Variants in SGCZ observed in about 807,000 individuals in gnomAD.
SGCZ encodes sarcoglycan zeta.
A neutral mutation model predicts 41.3 loss-of-function variants in SGCZ; 40 were observed. The observed-to-expected ratio is 0.97, with a 90% CI of 0.75 to 1.26. SGCZ has a LOEUF of 1.26. Ranked by LOEUF, SGCZ falls within the 50% of genes most tolerant of loss-of-function variation. The pLI is 0.00. For synonymous variants in SGCZ, 206 were observed against 137.5 expected (o/e 1.50, Z -3.49); for missense variants, 552 against 369.8 (o/e 1.49, Z -4.04).
At chr8:14,431,396 G>C (rs1352252746) in intron 2 of SGCZ, among the ~76,000 whole-genome samples, 1 of 152,122 alleles carries the variant, frequency 6.6e-6, no homozygotes, top group Non-Finnish European at 1.5e-5. Context: ...AATACTTAGA[G>C]CCAAGTGATC....
intron 1 of SGCZ, among the ~76,000 whole-genome samples, chr8:15,126,479 G>A (rs1380487757): frequency 6.6e-6 from 1 of 152,118 alleles, no homozygotes; most frequent in Non-Finnish European, 1.5e-5. Flanking sequence ...AATACAAACT[G>A]GAATAAGAAT....
intron 1 of SGCZ, among the ~76,000 whole-genome samples, chr8:15,009,347 T>C (rs1455456538): frequency 9.7e-5 from 2 of 20,580 alleles, no homozygotes; most frequent in Non-Finnish European, 2.5e-4. Context: ...AGAACAGCAA[T>C]GGAAAAATCT....
chr8:14,770,421 G>C (rs2130390414), intron 1 of SGCZ, among the ~76,000 whole-genome samples: 1 of 151,698 alleles, frequency 6.6e-6, no homozygotes, highest in East Asian at 1.9e-4. Flanking sequence ...CCAGAGGTCA[G>C]TATATTATTT....
intron 1 of SGCZ, among the ~76,000 whole-genome samples, chr8:14,595,402 C>CACACACAG (rs1346341762): frequency 0.022 from 2,317 of 105,206 alleles, 56 homozygotes; most frequent in African/African-American, 0.076. Context: ...CATGCACAAA[C>CACACACAG]ACACACACAC....
chr8:14,394,778 A>T (rs1286133206), intron 2 of SGCZ, among the ~76,000 whole-genome samples: 1 of 152,208 alleles, frequency 6.6e-6, no homozygotes, highest in Non-Finnish European at 1.5e-5. Flanking sequence ...TTGACAAAAA[A>T]TCATGAAGGT....
intron 1 of SGCZ, among the ~76,000 whole-genome samples, chr8:14,632,236 T>C (rs1393722747): frequency 6.6e-6 from 1 of 151,982 alleles, no homozygotes; most frequent in Admixed American, 6.6e-5. Flanking sequence ...TTGCCCACGC[T>C]TGTCTTGAAC....
At chr8:14,923,814 C>T (rs1396546190) in intron 1 of SGCZ, among the ~76,000 whole-genome samples, 1 of 152,110 alleles carries the variant, frequency 6.6e-6, no homozygotes, top group Non-Finnish European at 1.5e-5. Context: ...GATTCTGCTA[C>T]AAGCACAACT....
At chr8:15,121,937 G>A (rs1031125306) in intron 1 of SGCZ, among the ~76,000 whole-genome samples, 4 of 151,074 alleles carry the variant, frequency 2.6e-5, no homozygotes, top group African/African-American at 9.8e-5. Flanking sequence ...AGACATTTTG[G>A]AGAGCCTTTC....
intron 5 of SGCZ, among the ~76,000 whole-genome samples, chr8:14,119,836 T>C (rs1663419096): frequency 6.6e-6 from 1 of 152,200 alleles, no homozygotes; most frequent in Non-Finnish European, 1.5e-5. Context: ...GTTTTTGTGA[T>C]TGGTTCTGTT....
intron 2 of SGCZ, among the ~76,000 whole-genome samples, chr8:14,337,038 T>C (rs1248573541): frequency 6.6e-6 from 1 of 152,128 alleles, no homozygotes; most frequent in Non-Finnish European, 1.5e-5. Flanking sequence ...TTTTCCCAAT[T>C]ACTGGGAGGA....
intron 3 of SGCZ, among the ~76,000 whole-genome samples, chr8:14,295,757 C>T (rs1381482046): frequency 6.6e-6 from 1 of 152,100 alleles, no homozygotes. Flanking sequence ...AATGTGAACG[C>T]CAAACACAGA....
At chr8:14,741,566 G>C (rs979093359) in intron 1 of SGCZ, among the ~76,000 whole-genome samples, 2 of 151,932 alleles carry the variant, frequency 1.3e-5, no homozygotes, top group African/African-American at 4.8e-5. Context: ...ACATTAACAA[G>C]CTGTTATTTT....
At chr8:14,166,124 A>C (rs2116988257) in intron 4 of SGCZ, among the ~76,000 whole-genome samples, 1 of 152,314 alleles carries the variant, frequency 6.6e-6, no homozygotes, top group East Asian at 1.9e-4. Flanking sequence ...AAAAGCTTCA[A>C]CTAGGGCTAT....
chr8:14,401,015 C>A (rs1799056499), intron 2 of SGCZ, among the ~76,000 whole-genome samples: 1 of 151,954 alleles, frequency 6.6e-6, no homozygotes, highest in Non-Finnish European at 1.5e-5. Context: ...GTTTGGAAAC[C>A]AACAATTCAC....
chr8:14,621,555 G>A (rs1806286151), intron 1 of SGCZ, among the ~76,000 whole-genome samples: 1 of 152,096 alleles, frequency 6.6e-6, no homozygotes, highest in Admixed American at 6.6e-5. Context: ...TCCCAGTTCT[G>A]CATGCTTAAC....
chr8:14,256,412 A>C lies in SGCZ; in HGVS notation c.337-18733T>G, dbSNP rs970501391. Among the ~76,000 whole-genome samples the C allele has an allele frequency of 2.6e-5, 4 of 152,070 alleles. No individual in the cohort carries two copies. The East Asian group carries it at 7.7e-4, about 29-fold the overall frequency. Reference sequence around the variant, plus strand: ...AGATCCCTAGATGGAACTTGTTAGCACTCTGATCTATCATTCTACAAGATA... The same window carrying C: ...AGATCCCTAGATGGAACTTGTTAGCCCTCTGATCTATCATTCTACAAGATA... On this transcript the variant is annotated intron_variant, in intron 3 of 7. Coordinates refer to ENST00000382080, the MANE Select transcript of SGCZ (RefSeq NM_139167.4).
intron 1 of SGCZ, among the ~76,000 whole-genome samples, chr8:15,218,077 A>T (rs1356827112): frequency 2.6e-5 from 4 of 152,216 alleles, no homozygotes; most frequent in Non-Finnish European, 5.9e-5. Context: ...GCCCATTTAC[A>T]TAAAATACAT....
chr8:14,220,573 A>G (rs985741620), intron 4 of SGCZ, among the ~76,000 whole-genome samples: 35 of 152,058 alleles, frequency 2.3e-4, no homozygotes, highest in Non-Finnish European at 3.5e-4. Context: ...GTTATAAGAT[A>G]ATAAAACCCC....
chr8:15,184,800 G>T (rs367627000), intron 1 of SGCZ, among the ~76,000 whole-genome samples: 1 of 152,132 alleles, frequency 6.6e-6, no homozygotes, highest in African/African-American at 2.4e-5. Context: ...CCTTTTACCT[G>T]CAGCCTTGTA....
Sources: gnomAD v4.1 joint callset for allele counts (sites outside exome capture counted in the v4.1 genomes callset) on GRCh38, gnomAD v4.1.1 for gene constraint, MANE v1.5 for transcripts, NCBI Gene and HGNC (gene_info 2026-07-23, HGNC 2026-07-21) for gene names.